SANBR: variants seen among roughly 807,000 people sequenced by gnomAD.
SANBR encodes SANT and BTB domain regulator of class switch recombination.
A neutral mutation model predicts 101.8 loss-of-function variants in SANBR; 77 were observed. The ratio of observed to expected loss-of-function variants is 0.76; its 90% CI spans 0.63 to 0.91. SANBR has a LOEUF of 0.91. SANBR is among the 40% of genes least tolerant of loss of function. The probability of loss-of-function intolerance (pLI) is 0.00; values close to 1 mark genes in which losing one functional copy is unlikely to be tolerated. For synonymous variants in SANBR, 279 were observed against 274.7 expected (o/e 1.02, Z -0.15); for missense variants, 875 against 853.0 (o/e 1.03, Z -0.32).
rs775427345 is a variant in SANBR at position 61,117,515 on chromosome 2, C to G, written c.1914C>G (p.Phe638Leu). 1.2e-6 allele frequency: 2 copies of G among 1,613,582 alleles called. No individual in the cohort carries two copies. The highest frequency in any genetic ancestry group is 4.5e-5 in the East Asian group (2 of 44,834). ...GGGATGCCACAAGATCCTTGAGATT[C>G]AACCAGGATGCACAAAGAGAAGACG... is the stretch of plus-strand genomic sequence containing the variant. Reference protein sequence around the residue: ...NKWDATRSLRFNQDAQREDDQ... With the variant: ...NKWDATRSLRLNQDAQREDDQ... Residue 638 changes from phenylalanine to leucine, a missense_variant, in exon 19 of 22, where the codon TTC (phenylalanine) becomes TTG (leucine). Physicochemically the swap from Phe to Leu is conservative, Grantham distance 22 (BLOSUM62 0). Transcript: ENST00000402291.
chr2:61,100,578 A>C (rs1683235610), intron 12 of SANBR, among the ~76,000 whole-genome samples: 1 of 152,174 alleles, frequency 6.6e-6, no homozygotes, highest in African/African-American at 2.4e-5. Context: ...ACAGGAGAGA[A>C]GAGTAGAATG....
chr2:61,125,505 C>T (rs746989789), downstream of SANBR, among the ~76,000 whole-genome samples: 5 of 152,146 alleles, frequency 3.3e-5, no homozygotes, highest in African/African-American at 7.2e-5. Context: ...TTTCCTGATA[C>T]GTGGTAGGGA....
intron 12 of SANBR, among the ~76,000 whole-genome samples, chr2:61,099,080 A>G (rs978213719): frequency 2.6e-5 from 4 of 152,256 alleles, no homozygotes; most frequent in African/African-American, 9.6e-5. Flanking sequence ...CAAGGTCAGA[A>G]GGAACATAGT....
At chr2:61,069,448 A>T (rs908414055) in intron 2 of SANBR, among the ~76,000 whole-genome samples, 1 of 152,154 alleles carries the variant, frequency 6.6e-6, no homozygotes, top group Non-Finnish European at 1.5e-5. Flanking sequence ...ACTCCTGTGT[A>T]CGCTGCCTTT....
In SANBR at chr2:61,116,989, C is replaced by T. The variant is rs549394767; in HGVS notation, c.1837-368C>T. The T allele has an allele frequency of 1.8e-4, 39 of 220,714 alleles. No homozygotes were observed. The Admixed American group carries it at 1.8e-3, about 10-fold the overall frequency. The allele number at this position is 220,714 out of a possible 1,614,324, so 13.7% of individuals were successfully genotyped here. A position where few individuals can be genotyped will look rare whatever the true frequency, so the allele number is the denominator to read the frequency against. The stretch of plus-strand genomic sequence containing the variant: ...CGAGGATCACTTGAGACCAGGAAGT[C>T]GAGGCTGCAGTGAGCTATAATCATG... On this transcript the variant is annotated intron_variant, in intron 17 of 21. Coordinates refer to ENST00000402291, the MANE Select transcript of SANBR (RefSeq NM_001129993.3).
downstream of SANBR, among the ~76,000 whole-genome samples, chr2:61,128,074 C>T (rs892411297): frequency 3.3e-5 from 5 of 151,574 alleles, no homozygotes; most frequent in South Asian, 4.2e-4. Context: ...AGATTGAGAC[C>T]ATCCTGGCTA....
intron 7 of SANBR, 26 bp downstream of exon 7, chr2:61,081,536 A>T: frequency 6.6e-7 from 1 of 1,520,674 alleles, no homozygotes; most frequent in African/African-American, 1.4e-5. Flanking sequence ...AAAAAAATCA[A>T]AGTGCTTCTG....
rs965765071 is a variant in SANBR at position 61,084,057 on chromosome 2, G to T, written c.890+743G>T. ...ACAACCTGTACCTTCAGGCTCAAGC[G>T]ATCCTTCCACCTCAGCCTTCCAAGT... is the stretch of plus-strand genomic sequence containing the variant. On this transcript the variant is annotated intron_variant, in intron 8 of 21. Transcript: ENST00000402291. 5.3e-5 allele frequency among the ~76,000 whole-genome samples: 8 copies of T among 152,120 alleles called. No homozygotes were observed. The Middle Eastern group carries it at 0.024, about 453-fold the overall frequency.
intron 21 of SANBR, among the ~76,000 whole-genome samples, chr2:61,135,895 C>T (rs1306386932): frequency 6.6e-6 from 1 of 152,142 alleles, no homozygotes; most frequent in Non-Finnish European, 1.5e-5. Context: ...CTCTTCAGTG[C>T]CAGAATTGCC....
intron 6 of SANBR, among the ~76,000 whole-genome samples, chr2:61,079,826 G>A (rs1403920680): frequency 1.3e-5 from 2 of 151,860 alleles, no homozygotes; most frequent in African/African-American, 4.8e-5. Context: ...CTTGAACCCG[G>A]GAGGCAGAGG....
At chr2:61,116,648 G>A (rs912643284) in intron 17 of SANBR, among the ~76,000 whole-genome samples, 1 of 152,158 alleles carries the variant, frequency 6.6e-6, no homozygotes, top group Non-Finnish European at 1.5e-5. Context: ...TTTCAAAAAT[G>A]TGTGATAGGT....
chr2:61,137,384 A>T lies in SANBR; in HGVS notation c.*45-80A>T, dbSNP rs184535369. The T allele has an allele frequency of 1.8e-4, 28 of 152,400 alleles. 1 individual carries two copies. The highest frequency in any genetic ancestry group is 6.7e-4 in the African/African-American group (28 of 41,558). The allele number at this position is 152,400 out of a possible 1,614,324, so 9.4% of individuals were successfully genotyped here. On this transcript the variant is annotated intron_variant, in intron 21 of 21. Coordinates refer to the SANBR transcript ENST00000295031. ...CCTAAATATGTAAATTAAGGTATAG[A>T]GTACATAGCCTGCTAAACTCTGCAC...
At chr2:61,104,224 T>C (rs1573640071) in intron 13 of SANBR, among the ~76,000 whole-genome samples, 1 of 152,290 alleles carries the variant, frequency 6.6e-6, no homozygotes, top group Middle Eastern at 3.4e-3. Flanking sequence ...GGCTCACACC[T>C]GTAATCCCAG....
intron 11 of SANBR, among the ~76,000 whole-genome samples, chr2:61,096,294 T>A (rs561242274): frequency 6.6e-6 from 1 of 152,294 alleles, no homozygotes; most frequent in Middle Eastern, 3.4e-3. Context: ...AGATATCACC[T>A]ACTCAAGGAT....
At chr2:61,104,405 C>G (rs1041199495) in intron 13 of SANBR, among the ~76,000 whole-genome samples, 3 of 151,526 alleles carry the variant, frequency 2.0e-5, no homozygotes, top group Non-Finnish European at 4.4e-5. Context: ...TGGCGTGAAC[C>G]CGGGAGGTGG....
intron 7 of SANBR, among the ~76,000 whole-genome samples, chr2:61,082,025 T>C (rs1287713144): frequency 6.6e-6 from 1 of 152,106 alleles, no homozygotes; most frequent in African/African-American, 2.4e-5. Context: ...TCCCCTGTAT[T>C]CTTTTATTTT....
downstream of SANBR, among the ~76,000 whole-genome samples, chr2:61,128,996 C>G (rs1684600481): frequency 6.6e-6 from 1 of 152,074 alleles, no homozygotes; most frequent in Admixed American, 6.6e-5. Flanking sequence ...GGATAACATT[C>G]AAAGTGCTCA....
At chr2:61,075,417 C>A (rs1366065695) in intron 5 of SANBR, among the ~76,000 whole-genome samples, 1 of 151,746 alleles carries the variant, frequency 6.6e-6, no homozygotes, top group Non-Finnish European at 1.5e-5. Context: ...ACCACCATGC[C>A]GGCTAATTTT....
At chr2:61,114,125 C>T (rs935289258) in intron 16 of SANBR, among the ~76,000 whole-genome samples, 4 of 152,148 alleles carry the variant, frequency 2.6e-5, no homozygotes, top group Admixed American at 2.6e-4. Context: ...GGAGTCTGAT[C>T]CACAGATCCT....
Sources: allele counts gnomAD v4.1 joint callset (sites outside exome capture counted in the v4.1 genomes callset), GRCh38; gene constraint gnomAD v4.1.1; transcripts MANE v1.5; gene names NCBI Gene and HGNC (gene_info 2026-07-23, HGNC 2026-07-21).